The following NR1I2 variants were observed in gnomAD, a reference collection of about 807,000 sequenced individuals.
NR1I2 encodes orphan nuclear receptor PAR1.
A neutral mutation model predicts 43.3 loss-of-function variants in NR1I2; 42 were observed. The ratio of observed to expected loss-of-function variants is 0.97; its 90% CI spans 0.76 to 1.26. NR1I2 has a LOEUF of 1.26. NR1I2 is among the 50% of genes most tolerant of loss of function. The probability of loss-of-function intolerance (pLI) is 0.00; values close to 1 mark genes in which losing one functional copy is unlikely to be tolerated. For synonymous variants in NR1I2, 229 were observed against 215.0 expected, an observed-to-expected ratio of 1.06 and a Z score of -0.57; for missense variants, 559 against 566.7, an observed-to-expected ratio of 0.99 and a Z score of 0.14.
At chr3:119,808,973 A>G (rs1348871027) in intron 2 of NR1I2, among the ~76,000 whole-genome samples, 1 of 152,236 alleles carries the variant, frequency 6.6e-6, no homozygotes, top group Non-Finnish European at 1.5e-5. Context: ...CAGGGATGGC[A>G]TCTGTGAAGA....
intron 3 of NR1I2, among the ~76,000 whole-genome samples, chr3:119,810,883 A>C (rs1437142611): frequency 1.3e-5 from 2 of 152,182 alleles, no homozygotes; most frequent in Admixed American, 1.3e-4. Context: ...TTTGTTCTAC[A>C]CACATGAGTG....
chr3:119,802,420 T>C (rs532546328), intron 1 of NR1I2, among the ~76,000 whole-genome samples: 94 of 152,332 alleles, frequency 6.2e-4, no homozygotes, highest in Middle Eastern at 3.4e-3. Flanking sequence ...CCTGTGGGCT[T>C]CTCCTGTGAT....
chr3:119,808,018 T>A (rs1284698894), intron 2 of NR1I2, among the ~76,000 whole-genome samples: 1 of 152,118 alleles, frequency 6.6e-6, no homozygotes, highest in South Asian at 2.1e-4. Flanking sequence ...TGGCTGGGCA[T>A]TCAAATGGAA....
chr3:119,810,727 A>G lies in NR1I2; in HGVS notation c.331+533A>G, dbSNP rs537873062. The stretch of plus-strand genomic sequence containing the variant: ...TGTGCTCCTAGGTCACTATGAGATT[A>G]AGGCTCATGCGGAAAAGGCTAGGTG... On this transcript the variant is annotated intron_variant, in intron 3 of 8. Transcript: ENST00000393716. Among the ~76,000 whole-genome samples the G allele has an allele frequency of 4.6e-5, 7 of 152,316 alleles. No individual in the cohort carries two copies. In the South Asian group the frequency reaches 1.4e-3, roughly 32 times the overall value.
chr3:119,810,313 T>C, intron 3 of NR1I2, 119 bp downstream of exon 3: 4 of 1,410,992 alleles, frequency 2.8e-6, no homozygotes, highest in Non-Finnish European at 3.8e-6. Context: ...TGAACACACG[T>C]GCACATGTGA....
chr3:119,787,749 ATATT>A (rs2054862917), intron 1 of NR1I2, among the ~76,000 whole-genome samples: 3 of 150,262 alleles, frequency 2.0e-5, no homozygotes, highest in East Asian at 2.0e-4. Context: ...GATTATATAT[ATATT>A]TAATTATGCG....
At chr3:119,782,429 G>T in intron 1 of NR1I2, 129 bp downstream of exon 1, 1 of 309,498 alleles carries the variant, frequency 3.2e-6, no homozygotes, top group Non-Finnish European at 6.3e-6. Context: ...AATCATGTTG[G>T]CCTTGCTGCT....
In NR1I2 at chr3:119,795,532, G is replaced by A. The variant is rs2107955244; in HGVS notation, c.-22-11697G>A. ...TTAAGAAACATGCCCATCACCTGCA[G>A]TTTCTCTGGGCTCCCCGTTAATCTG... On this transcript the variant is annotated intron_variant, in intron 1 of 8. Transcript: ENST00000393716. 1.3e-5 allele frequency among the ~76,000 whole-genome samples: 2 copies of A among 152,264 alleles called. 1 individual carries two copies. Among genetic ancestry groups the A allele is most frequent in the African/African-American group, 4.8e-5 (2 of 41,534 alleles).
intron 8 of NR1I2, among the ~76,000 whole-genome samples, chr3:119,816,270 C>G (rs985096777): frequency 6.6e-6 from 1 of 152,174 alleles, no homozygotes; most frequent in Admixed American, 6.5e-5. Context: ...TTGCTCAACC[C>G]TTCCTTGTAT....
At chr3:119,808,118 T>C (rs2055186895) in intron 2 of NR1I2, among the ~76,000 whole-genome samples, 1 of 152,216 alleles carries the variant, frequency 6.6e-6, no homozygotes, top group Admixed American at 6.5e-5. Context: ...TGGGTTCAGC[T>C]ACAAGTCACA....
Position 119,815,017 on chromosome 3 carries a change from G to C in NR1I2, c.833G>C (p.Gly278Ala), listed in dbSNP as rs200219497. 1 of 1,614,220 alleles carries C rather than the reference G, an allele frequency of 6.2e-7. No homozygotes were observed. Among genetic ancestry groups the C allele is most frequent in the Non-Finnish European group, 8.5e-7 (1 of 1,180,044 alleles). The stretch of plus-strand genomic sequence containing the variant: ...GAGGACCAGATCTCCCTGCTGAAGG[G>C]GGCCGCTTTCGAGCTGTGTCAACTG... The change falls in exon 6 of 9, where the codon GGG becomes GCG. Residue 278 changes from glycine (G) to alanine (A), a missense_variant. Physicochemically the swap from Gly to Ala is moderately conservative, Grantham distance 60 (BLOSUM62 0). Coordinates refer to ENST00000393716, the MANE Select transcript of NR1I2 (RefSeq NM_003889.4).
rs1026536101 is a variant in NR1I2 at position 119,815,612 on chromosome 3, C to A, written c.1055-114C>A. 3 of 1,083,718 alleles carry A rather than the reference C, an allele frequency of 2.8e-6. No homozygotes were observed. In the African/African-American group the frequency reaches 4.7e-5, roughly 17 times the overall value. 67.1% of individuals were successfully genotyped at this position (1,083,718 alleles called of 1,614,324 possible). A position where few individuals can be genotyped will look rare whatever the true frequency, so the allele number is the denominator to read the frequency against. The stretch of plus-strand genomic sequence containing the variant: ...CCCAGCCCTGGTCTTCCTTCACTTC[C>A]CTGCCTGGGTGACTCCAGCTCTGGA... On this transcript the variant is annotated intron_variant, in intron 7 of 8. Coordinates refer to ENST00000393716, the MANE Select transcript of NR1I2 (RefSeq NM_003889.4).
intron 1 of NR1I2, among the ~76,000 whole-genome samples, chr3:119,806,701 TC>T (rs2055166607): frequency 6.6e-6 from 1 of 152,200 alleles, no homozygotes; most frequent in Non-Finnish European, 1.5e-5. Flanking sequence ...CTCCACTTTT[TC>T]CCCATCTGCC....
Position 119,817,925 on chromosome 3 carries a change from G to A in NR1I2, c.*713G>A, listed in dbSNP as rs576509166. The A allele has an allele frequency of 1.0e-6, 1 of 983,604 alleles. No homozygotes were observed. Among genetic ancestry groups the A allele is most frequent in the South Asian group, 4.7e-5 (1 of 21,238 alleles). The allele number at this position is 983,604 out of a possible 1,614,324, so 60.9% of individuals were successfully genotyped here. A position where few individuals can be genotyped will look rare whatever the true frequency, so the allele number is the denominator to read the frequency against. ...CAGCATTGACTCAGATATAGATCCT[G>A]AGCTCACAGAGTTTATAGTTAAAAA... On this transcript the variant is annotated 3_prime_UTR_variant, in exon 9 of 9. Coordinates refer to ENST00000393716, the MANE Select transcript of NR1I2 (RefSeq NM_003889.4).
chr3:119,810,069 T>C lies in NR1I2; in HGVS notation c.206T>C (p.Met69Thr). The change falls in exon 3 of 9, where the codon ATG becomes ACG. Residue 69 changes from methionine to threonine, a missense_variant. Coordinates refer to ENST00000393716, the MANE Select transcript of NR1I2 (RefSeq NM_003889.4). Reference sequence around the variant, plus strand: ...TCCCCATTCTCTCACAGGAGGGCCATGAAACGCAACGCCCGGCTGAGGTGC... The same window carrying C: ...TCCCCATTCTCTCACAGGAGGGCCACGAAACGCAACGCCCGGCTGAGGTGC... 1 of 1,613,716 alleles carries C rather than the reference T, an allele frequency of 6.2e-7. No individual in the cohort carries two copies. The highest frequency in any genetic ancestry group is 8.5e-7 in the Non-Finnish European group (1 of 1,179,866).
chr3:119,785,639 G>A (rs1297483812), intron 1 of NR1I2, among the ~76,000 whole-genome samples: 1 of 152,276 alleles, frequency 6.6e-6, no homozygotes. Flanking sequence ...CCAGGCCCCA[G>A]GCCTACAGGA....
At position 119,803,299 on chromosome 3, in the gene NR1I2, GC is replaced by G. The variant is rs1481531349; in HGVS notation, c.-22-3928del. On this transcript the variant is annotated intron_variant, in intron 1 of 8. Coordinates refer to ENST00000393716, the MANE Select transcript of NR1I2 (RefSeq NM_003889.4). ...GCTGAGATCACACCACTGAACTCCA[GC>G]CTGGGTGGCAGAGTTTTTTCTTTTC... Among the ~76,000 whole-genome samples, 3 of 151,736 alleles carry G rather than the reference GC, an allele frequency of 2.0e-5. No individual in the cohort carries two copies. In the South Asian group the frequency reaches 6.3e-4, roughly 32 times the overall value.
chr3:119,816,850 G>A (rs1436113942), intron 8 of NR1I2, among the ~76,000 whole-genome samples: 1 of 149,870 alleles, frequency 6.7e-6, no homozygotes, highest in African/African-American at 2.5e-5. Context: ...AAAAGACACA[G>A]CTCCCATGAA....
chr3:119,815,052 A>G lies in NR1I2; in HGVS notation c.868A>G (p.Thr290Ala). The change falls in exon 6 of 9, where the codon ACA (threonine) becomes GCA (alanine). Residue 290 changes from threonine to alanine, a missense_variant. Physicochemically the swap from Thr to Ala is moderately conservative, Grantham distance 58. Around this residue, in one of 3 missense-constraint regions of NR1I2, gnomAD observed 323 missense variants for 312.2 expected, o/e 1.03. Transcript: ENST00000393716. ...CGAGCTGTGTCAACTGAGATTCAAC[A>G]CAGTGTTCAACGCGGAGACTGGAAC... 1 of 1,614,062 alleles carries G rather than the reference A, an allele frequency of 6.2e-7. No homozygotes were observed. Among genetic ancestry groups the G allele is most frequent in the Non-Finnish European group, 8.5e-7 (1 of 1,180,012 alleles).
Sources: gnomAD v4.1 joint callset for allele counts (sites outside exome capture counted in the v4.1 genomes callset) on GRCh38, gnomAD v4.1.1 for gene constraint, gnomAD v4.1.1 regional missense constraint, MANE v1.5 for transcripts, NCBI Gene and HGNC (gene_info 2026-07-23, HGNC 2026-07-21) for gene names.